TLL2: variants seen among roughly 807,000 people sequenced by gnomAD.
TLL2 encodes the protein tolloid like 2.
TLL2 carries 106 observed loss-of-function variants against 123.0 expected under a neutral mutation model. The ratio of observed to expected loss-of-function variants is 0.86; its 90% confidence interval spans 0.74 to 1.01. The LOEUF (loss-of-function observed/expected upper bound fraction) is 1.01, where lower values mean the gene tolerates loss of function less well. Among genes scored for constraint, TLL2 ranks in the 50% least tolerant of loss-of-function variants. The pLI, the probability that TLL2 is intolerant of heterozygous loss-of-function variation, is 0.00. For synonymous variants in TLL2, 494 were observed against 516.8 expected, an observed-to-expected ratio of 0.96 and a Z score of 0.60; for missense variants, 1,332 against 1,336.7, an observed-to-expected ratio of 1.00 and a Z score of 0.06.
rs570120402 is a variant in TLL2, at chr10:96,460,203, G to T, written c.287-14035C>A. Reference sequence around the variant, plus strand: ...GATTACTATCCATATTATATAATTTGCCCATGCAAATCAATGAGAAAAACT... The same window carrying T: ...GATTACTATCCATATTATATAATTTTCCCATGCAAATCAATGAGAAAAACT... On this transcript the variant is annotated intron_variant, in intron 2 of 20. Transcript: ENST00000357947. Among the ~76,000 whole-genome samples the T allele has an allele frequency of 4.6e-5, 7 of 152,280 alleles. No individual in the cohort carries two copies. The East Asian group carries it at 1.4e-3, about 29-fold the overall frequency.
At chr10:96,488,604 C>T (rs1042956761) in intron 1 of TLL2, among the ~76,000 whole-genome samples, 21 of 152,168 alleles carry the variant, frequency 1.4e-4, no homozygotes, top group Admixed American at 1.3e-3. Flanking sequence ...CAGCGCTGCC[C>T]CTTAGGCTCA....
Position 96,421,000 on chromosome 10 carries a change from G to T in TLL2, c.879C>A (p.Tyr293Ter), listed in dbSNP as rs187430873. ...CGTAGTGCATGATGCTGTCAAAGTC[G>T]TATGTCTCTCCCAGAGAGCTCACTT... is the stretch of plus-strand genomic sequence containing the variant. Reference protein sequence around the residue: ...AGEVSSLGETYDFDSIMHYAR... With the variant: ...AGEVSSLGET The change falls in exon 7 of 21, where the codon TAC (tyrosine) becomes TAA (stop). Residue 293 changes from tyrosine to a stop codon, truncating the protein, a stop_gained. Transcript: ENST00000357947. LOFTEE classifies it high-confidence loss of function. 1.4e-5 allele frequency: 22 copies of T among 1,614,060 alleles called. No homozygotes were observed. In the South Asian group the frequency reaches 2.2e-4, roughly 16 times the overall value.
intron 12 of TLL2, 143 bp downstream of exon 12, chr10:96,395,732 G>A: frequency 2.8e-6 from 3 of 1,058,956 alleles, no homozygotes; most frequent in South Asian, 1.9e-5. Flanking sequence ...GATGTCAGAT[G>A]TCCGGGCACA....
chr10:96,507,757 G>A (rs924722522), intron 1 of TLL2, among the ~76,000 whole-genome samples: 1 of 152,130 alleles, frequency 6.6e-6, no homozygotes, highest in African/African-American at 2.4e-5. Flanking sequence ...TGGAATCTAG[G>A]TCTGGCCTGC....
chr10:96,464,083 G>A (rs901026689), intron 2 of TLL2, among the ~76,000 whole-genome samples: 2 of 152,194 alleles, frequency 1.3e-5, no homozygotes, highest in African/African-American at 4.8e-5. Context: ...GCCAGAACAG[G>A]CCAGGTACGG....
intron 13 of TLL2, among the ~76,000 whole-genome samples, chr10:96,389,666 G>A (rs1846265931): frequency 6.6e-6 from 1 of 152,198 alleles, no homozygotes; most frequent in African/African-American, 2.4e-5. Flanking sequence ...GTCTGCAGGA[G>A]ACTCTGATAC....
At chr10:96,369,217 C>T (rs1445726943) in intron 20 of TLL2, among the ~76,000 whole-genome samples, 1 of 152,136 alleles carries the variant, frequency 6.6e-6, no homozygotes, top group Non-Finnish European at 1.5e-5. Context: ...GGCCAATGCG[C>T]AAACTCCCAC....
At chr10:96,399,133 A>T (rs1256942409) in intron 10 of TLL2, among the ~76,000 whole-genome samples, 2 of 152,070 alleles carry the variant, frequency 1.3e-5, no homozygotes, top group Non-Finnish European at 2.9e-5. Flanking sequence ...AGCTTCCCAA[A>T]GTGCTGGGTT....
At chr10:96,439,163 C>T (rs36182197) in intron 3 of TLL2, among the ~76,000 whole-genome samples, 19,589 of 55,742 alleles carry the variant, frequency 0.35, 6,258 homozygotes, top group East Asian at 0.59. Context: ...TGCAGTGGTG[C>T]GATCTCGGCT....
chr10:96,468,160 C>T (rs139623325), intron 2 of TLL2, among the ~76,000 whole-genome samples: 427 of 152,330 alleles, frequency 2.8e-3, no homozygotes, highest in Non-Finnish European at 4.8e-3. Flanking sequence ...CGTGGACCTA[C>T]CATCTGCTCC....
chr10:96,399,549 G>A (rs1218317601), intron 10 of TLL2, among the ~76,000 whole-genome samples: 3 of 152,190 alleles, frequency 2.0e-5, no homozygotes, highest in African/African-American at 7.2e-5. Flanking sequence ...AGTGAGATGA[G>A]ATGAAACTCC....
intron 2 of TLL2, among the ~76,000 whole-genome samples, chr10:96,472,843 G>A (rs1314896636): frequency 6.6e-6 from 1 of 152,162 alleles, no homozygotes; most frequent in Admixed American, 6.5e-5. Context: ...TCAAACCTTG[G>A]AAAGCAGAGC....
intron 2 of TLL2, among the ~76,000 whole-genome samples, chr10:96,460,560 T>C (rs1476388056): frequency 2.6e-5 from 4 of 152,164 alleles, no homozygotes; most frequent in African/African-American, 9.7e-5. Flanking sequence ...GCTGTTCTCA[T>C]GATAGTGAGT....
chr10:96,477,898 T>A (rs1399342014), intron 2 of TLL2, among the ~76,000 whole-genome samples: 1 of 152,196 alleles, frequency 6.6e-6, no homozygotes, highest in African/African-American at 2.4e-5. Context: ...TCTGCTGATG[T>A]TGGCCAGCAC....
chr10:96,380,130 A>T (rs559474876), intron 16 of TLL2, among the ~76,000 whole-genome samples: 1 of 152,334 alleles, frequency 6.6e-6, no homozygotes, highest in South Asian at 2.1e-4. Context: ...AATTAATTAG[A>T]GCAGCATCCA....
At chr10:96,462,818 G>C (rs7923251) in intron 2 of TLL2, among the ~76,000 whole-genome samples, 58,789 of 152,058 alleles carry the variant, frequency 0.39, 11,607 homozygotes, top group Middle Eastern at 0.51. Flanking sequence ...AACACCGCTA[G>C]TCAGCACTTC....
Position 96,476,196 on chromosome 10 carries a change from G to C in TLL2, c.286+4153C>G, listed in dbSNP as rs549417504. 8.3e-3 allele frequency among the ~76,000 whole-genome samples: 988 copies of C among 118,738 alleles called. 11 individuals are homozygous for C. Among genetic ancestry groups the C allele is most frequent in the Non-Finnish European group, 0.013 (735 of 56,978 alleles). 77.9% of individuals were successfully genotyped at this position (118,738 alleles called of 152,430 possible). A position where few individuals can be genotyped will look rare whatever the true frequency, so the allele number is the denominator to read the frequency against. ...TTTGGAAGTAGGAAAAGAGGATAAAGGTGTGGTTCCTTTTTAATTTTATAT... is the reference window on the plus strand; with the variant it reads ...TTTGGAAGTAGGAAAAGAGGATAAACGTGTGGTTCCTTTTTAATTTTATAT... On this transcript the variant is annotated intron_variant, in intron 2 of 20. Transcript: ENST00000357947.
rs557302940 is a variant in TLL2, at chr10:96,453,722, A to G, written c.287-7554T>C. ...TAAGTCAAAAAACAGGTTAGGAAAT[A>G]TAATTCAATATAAATTCAGTATAAA... On this transcript the variant is annotated intron_variant, in intron 2 of 20. Coordinates refer to ENST00000357947, the MANE Select transcript of TLL2 (RefSeq NM_012465.4). Among the ~76,000 whole-genome samples, 3 of 152,344 alleles carry G rather than the reference A, an allele frequency of 2.0e-5. No individual in the cohort carries two copies. The South Asian group carries it at 6.2e-4, about 32-fold the overall frequency.
intron 2 of TLL2, among the ~76,000 whole-genome samples, chr10:96,453,863 A>G (rs4623825): frequency 0.11 from 17,247 of 152,134 alleles, 1,056 homozygotes; most frequent in South Asian, 0.21. Context: ...TCTGGTGGTG[A>G]CTCTGGGGTG....
Sources: gnomAD v4.1 joint callset for allele counts (sites outside exome capture counted in the v4.1 genomes callset) on GRCh38, gnomAD v4.1.1 for gene constraint, MANE v1.5 for transcripts, NCBI Gene and HGNC (gene_info 2026-07-23, HGNC 2026-07-21) for gene names.